The following PCDHGA6 variants were observed in gnomAD, a reference collection of about 807,000 sequenced individuals.
PCDHGA6 encodes protocadherin gamma-A6.
In PCDHGA6, 41 loss-of-function variants were observed where a neutral mutation model predicts 60.6. That is an observed-to-expected ratio of 0.68 (90% CI 0.53 to 0.88). The LOEUF is 0.88. PCDHGA6 is among the 40% of genes least tolerant of loss of function. PCDHGA6 has a pLI of 0.00. For synonymous variants in PCDHGA6, 594 were observed against 524.4 expected (o/e 1.13, Z -1.81); for missense variants, 1,312 against 1,203.0 (o/e 1.09, Z -1.34).
chr5:141,387,779 G>T, intron 1 of PCDHGA6: 1 of 1,458,032 alleles, frequency 6.9e-7, no homozygotes, highest in Admixed American at 2.6e-5. Flanking sequence ...TTCTTGAACT[G>T]GAACTGCAAC....
At chr5:141,382,105 G>A (rs1265846285) in intron 1 of PCDHGA6, among the ~76,000 whole-genome samples, 7 of 152,166 alleles carry the variant, frequency 4.6e-5, no homozygotes, top group African/African-American at 1.7e-4. Flanking sequence ...TGGGATTACA[G>A]GCGTGAGCAA....
intron 1 of PCDHGA6, chr5:141,396,659 A>G (rs2093416733): frequency 6.6e-6 from 1 of 151,984 alleles, no homozygotes; most frequent in African/African-American, 2.4e-5. Context: ...AAAACTCGGT[A>G]TAGGCTATCC....
chr5:141,408,202 G>A (rs778320550), intron 1 of PCDHGA6: 6 of 1,549,832 alleles, frequency 3.9e-6, no homozygotes, highest in African/African-American at 1.4e-5. Flanking sequence ...CCGAGCGAAC[G>A]ATGGGAGGGA....
chr5:141,395,439 A>G, intron 1 of PCDHGA6: 1 of 679,568 alleles, frequency 1.5e-6, no homozygotes, highest in Non-Finnish European at 2.3e-6. Context: ...AACGACTTGG[A>G]AAAGATTGTT....
In PCDHGA6 at chr5:141,491,091, A is replaced by T; in HGVS notation, c.2425-3716A>T. ...TGTTGCCACAGTCCACAGCCCCAGG[A>T]CTGTTCCTCGTGTCTACACACACTG... On this transcript the variant is annotated intron_variant, in intron 1 of 3. Transcript: ENST00000517434. This position sits in a 1 kb window ranked among gnomAD's most constrained non-coding sequence, Gnocchi z 6.9. The T allele has an allele frequency of 6.2e-7, 1 of 1,614,032 alleles. No individual in the cohort carries two copies. Among genetic ancestry groups the T allele is most frequent in the Non-Finnish European group, 8.5e-7 (1 of 1,180,000 alleles).
chr5:141,420,826 C>G (rs1246534925), intron 1 of PCDHGA6, among the ~76,000 whole-genome samples: 1 of 152,216 alleles, frequency 6.6e-6, no homozygotes, highest in Non-Finnish European at 1.5e-5. Flanking sequence ...AATAATTACT[C>G]CTTTCGCAGG....
At chr5:141,389,609 G>A (rs1188923316) in intron 1 of PCDHGA6, 3 of 1,612,966 alleles carry the variant, frequency 1.9e-6, no homozygotes, top group South Asian at 2.2e-5. Flanking sequence ...TCTTCGATAT[G>A]GTGCCGCACG....
chr5:141,387,321 T>G (rs2090906935), intron 1 of PCDHGA6, among the ~76,000 whole-genome samples: 1 of 152,226 alleles, frequency 6.6e-6, no homozygotes, highest in African/African-American at 2.4e-5. Context: ...TGAGTAAGTA[T>G]GGAAAATTAC....
At chr5:141,466,929 T>C (rs2099132302) in intron 1 of PCDHGA6, among the ~76,000 whole-genome samples, 1 of 152,232 alleles carries the variant, frequency 6.6e-6, no homozygotes, top group African/African-American at 2.4e-5. Context: ...TTAGGAATAT[T>C]AGTCCTTTGT....
At position 141,493,202 on chromosome 5, in the gene PCDHGA6, A is replaced by G. The variant is rs1246390819; in HGVS notation, c.2425-1605A>G. Among the ~76,000 whole-genome samples, 1 of 152,196 alleles carries G rather than the reference A, an allele frequency of 6.6e-6. No individual in the cohort carries two copies. ...ACTATATAACTCCTTTGAGAACCTC[A>G]TCTCATTTGCTCTTCCCACCATTGC... On this transcript the variant is annotated intron_variant, in intron 1 of 3. Transcript: ENST00000517434. The surrounding 1 kb of genome is among the most constrained non-coding windows in gnomAD (Gnocchi z 4.3).
intron 1 of PCDHGA6, among the ~76,000 whole-genome samples, chr5:141,446,777 CT>C (rs1480571336): frequency 6.6e-6 from 1 of 152,072 alleles, no homozygotes; most frequent in South Asian, 2.1e-4. Context: ...GGTTACCATT[CT>C]TTTACTCTGA....
At position 141,480,148 on chromosome 5, in the gene PCDHGA6, G is replaced by C. The variant is rs139861128; in HGVS notation, c.2425-14659G>C. On this transcript the variant is annotated intron_variant, in intron 1 of 3. Transcript: ENST00000517434. ...ATAACTGTTAAACAATTATTAGCCA[G>C]CTCCTAGCATTTTGGGAGGCTGAGG... 9.2e-4 allele frequency among the ~76,000 whole-genome samples: 140 copies of C among 152,036 alleles called. 1 individual carries two copies. The highest frequency in any genetic ancestry group is 3.1e-3 in the African/African-American group (127 of 41,470).
chr5:141,398,545 C>T (rs774657005), intron 1 of PCDHGA6: 2 of 1,613,768 alleles, frequency 1.2e-6, no homozygotes, highest in Non-Finnish European at 1.7e-6. Flanking sequence ...TTCCTTTGAG[C>T]TGCAAATAAG....
chr5:141,392,671 C>A, intron 1 of PCDHGA6: 1 of 875,408 alleles, frequency 1.1e-6, no homozygotes, highest in Non-Finnish European at 1.7e-6. Context: ...AAACTAACTG[C>A]TGGACTGCAG....
chr5:141,480,225 G>A (rs1217912404), intron 1 of PCDHGA6, among the ~76,000 whole-genome samples: 1 of 147,152 alleles, frequency 6.8e-6, no homozygotes, highest in East Asian at 2.0e-4. Flanking sequence ...GCGACATAGT[G>A]AGATCCTGTC....
intron 1 of PCDHGA6, chr5:141,394,755 G>A (rs2093086176): frequency 1.2e-6 from 2 of 1,613,434 alleles, no homozygotes; most frequent in Non-Finnish European, 8.5e-7. Context: ...GGCCGTCCAG[G>A]ACCATGGCCA....
chr5:141,404,741 G>C, intron 1 of PCDHGA6: 1 of 1,614,072 alleles, frequency 6.2e-7, no homozygotes, highest in South Asian at 1.1e-5. Context: ...AGTGGACAGA[G>C]ACTCAGGCCA....
In PCDHGA6 at chr5:141,409,031, A is replaced by G. The variant is rs748995883; in HGVS notation, c.2424+32524A>G. The G allele has an allele frequency of 1.2e-6, 2 of 1,614,032 alleles. No individual in the cohort carries two copies. The highest frequency in any genetic ancestry group is 1.7e-6 in the Non-Finnish European group (2 of 1,179,904). The stretch of plus-strand genomic sequence containing the variant: ...CCAGGATGAGGGGGTCAATGCTGAG[A>G]TAAACTACTACTTCCGAAGCACTGC... On this transcript the variant is annotated intron_variant, in intron 1 of 3. Transcript: ENST00000517434.
chr5:141,400,646 CTGTCCT>C, intron 1 of PCDHGA6: 1 of 1,222,508 alleles, frequency 8.2e-7, no homozygotes, highest in South Asian at 1.4e-5. Flanking sequence ...GCTCAGAAAG[CTGTCCT>C]ACCATTCTTT....
Sources: allele counts gnomAD v4.1 joint callset (sites outside exome capture counted in the v4.1 genomes callset), GRCh38; gene constraint gnomAD v4.1.1; non-coding constraint Gnocchi (gnomAD v3.1); transcripts MANE v1.5; gene names NCBI Gene and HGNC (gene_info 2026-07-23, HGNC 2026-07-21).